BPNT2: variants seen among roughly 807,000 people sequenced by gnomAD.
BPNT2 encodes the protein 3'(2'), 5'-bisphosphate nucleotidase 2, also known as Golgi-resident adenosine 3',5'-bisphosphate 3'-phosphatase.
BPNT2 carries 11 observed loss-of-function variants against 29.3 expected under a neutral mutation model. The observed-to-expected ratio is 0.38, with a 90% CI of 0.24 to 0.62. BPNT2 has a LOEUF of 0.62. Among genes scored for constraint, BPNT2 ranks in the 20% least tolerant of loss-of-function variants. BPNT2 has a pLI of 0.62. For missense variants in BPNT2, 459 were observed against 473.4 expected (o/e 0.97, Z 0.28); for synonymous variants, 195 against 187.7 (o/e 1.04, Z -0.32).
intron 3 of BPNT2, among the ~76,000 whole-genome samples, chr8:56,967,846 T>C (rs1166744078): frequency 6.6e-6 from 1 of 152,042 alleles, no homozygotes; most frequent in Non-Finnish European, 1.5e-5. Context: ...CCAAAAACCA[T>C]ACTGACAATG....
chr8:56,969,686 C>T (rs1806001779), intron 3 of BPNT2, among the ~76,000 whole-genome samples: 1 of 151,812 alleles, frequency 6.6e-6, no homozygotes, highest in African/African-American at 2.4e-5. Flanking sequence ...GAGACAATGT[C>T]TAAAGAAAAG....
intron 3 of BPNT2, among the ~76,000 whole-genome samples, chr8:56,968,594 G>A (rs1805986121): frequency 6.6e-6 from 1 of 152,106 alleles, no homozygotes; most frequent in East Asian, 1.9e-4. Flanking sequence ...CACTTGTTGA[G>A]CCCAAGAGTT....
chr8:56,966,412 T>G, intron 3 of BPNT2, 60 bp from the exon 4 acceptor site: 1 of 1,436,684 alleles, frequency 7.0e-7, no homozygotes, highest in Non-Finnish European at 9.8e-7. Context: ...AAGGTTATAT[T>G]CTTCAGAACC....
intron 1 of BPNT2, among the ~76,000 whole-genome samples, chr8:56,989,041 C>T (rs1482582726): frequency 6.6e-6 from 1 of 152,184 alleles, no homozygotes; most frequent in African/African-American, 2.4e-5. Flanking sequence ...CTCCAAGCAA[C>T]TACTCTGAGT....
At chr8:56,989,454 G>A (rs147481820) in intron 1 of BPNT2, among the ~76,000 whole-genome samples, 1 of 151,892 alleles carries the variant, frequency 6.6e-6, no homozygotes, top group East Asian at 1.9e-4. Flanking sequence ...CTGAAAAACA[G>A]AGGCTGTAGT....
chr8:56,966,879 T>C lies in BPNT2; in HGVS notation c.647-527A>G, dbSNP rs79706742. ...TCTATATACTCATGGTTTCAATTAT[T>C]TGAATATTAGCTCAATCTCCTAAGT... On this transcript the variant is annotated intron_variant, in intron 3 of 4. Coordinates refer to ENST00000262644, the MANE Select transcript of BPNT2 (RefSeq NM_017813.5). Among the ~76,000 whole-genome samples, 487 of 152,334 alleles carry C rather than the reference T, an allele frequency of 3.2e-3. 3 individuals carry two copies. Among genetic ancestry groups the C allele is most frequent in the Non-Finnish European group, 3.6e-3 (244 of 68,030 alleles).
At position 56,993,358 on chromosome 8, in the gene BPNT2, G is replaced by T. The variant is rs962070212; in HGVS notation, c.228C>A (p.Arg76=). 2.5e-6 allele frequency: 4 copies of T among 1,610,164 alleles called. No individual in the cohort carries two copies. In the African/African-American group the frequency reaches 5.3e-5, roughly 21 times the overall value. The change falls in exon 1 of 5, where the codon CGC becomes CGA. Residue 76 remains arginine, a synonymous_variant. Transcript: ENST00000262644. ...GGACGCGCCTCACCTCGTCGCCGCC[G>T]CGGACTGCGGCCAGCACTGACACAG... ...MLAVSVLAAV[R]GGDEVRRVRE...
chr8:56,977,829 T>C (rs1806169280), intron 3 of BPNT2, among the ~76,000 whole-genome samples: 1 of 152,130 alleles, frequency 6.6e-6, no homozygotes, highest in Non-Finnish European at 1.5e-5. Flanking sequence ...ACAAAAAAGA[T>C]ACTCCCTTAC....
intron 1 of BPNT2, among the ~76,000 whole-genome samples, chr8:56,986,943 TAA>T (rs1317966027): frequency 6.6e-6 from 1 of 152,168 alleles, no homozygotes; most frequent in Non-Finnish European, 1.5e-5. Context: ...TTTGTCTATT[TAA>T]AGATTTTATT....
In BPNT2 at chr8:56,958,176, A is replaced by G. The variant is rs1214765342; in HGVS notation, c.*5617T>C. 1 of 152,188 alleles carries G rather than the reference A, an allele frequency of 6.6e-6. No homozygotes were observed. Among genetic ancestry groups the G allele is most frequent in the Non-Finnish European group, 1.5e-5 (1 of 68,050 alleles). The allele number at this position is 152,188 out of a possible 1,614,324, so 9.4% of individuals were successfully genotyped here. On this transcript the variant is annotated 3_prime_UTR_variant, in exon 5 of 5. Transcript: ENST00000262644. ...CCAGCTTATACAACCAAGGCACAAA[A>G]TATGCTAATGCTAATAATCCTTTAT...
At position 56,978,030 on chromosome 8, in the gene BPNT2, A is replaced by G. The variant is rs752249558; in HGVS notation, c.646+20T>C. The G allele has an allele frequency of 2.1e-5, 29 of 1,397,846 alleles. No individual in the cohort carries two copies. The East Asian group carries it at 6.6e-4, about 32-fold the overall frequency. 86.6% of individuals were successfully genotyped at this position (1,397,846 alleles called of 1,614,324 possible). ...CAGTTCAATAACAATAATTCTTGAA[A>G]GTTCTAGCAAATTTCATACCTGTAT... On this transcript the variant is annotated intron_variant, in intron 3 of 4. Transcript: ENST00000262644.
Position 56,993,462 on chromosome 8 carries a change from C to T in BPNT2, c.124G>A (p.Gly42Ser), listed in dbSNP as rs1223820299. The T allele has an allele frequency of 1.3e-6, 2 of 1,488,582 alleles. No individual in the cohort carries two copies. The highest frequency in any genetic ancestry group is 8.9e-7 in the Non-Finnish European group (1 of 1,120,420). 92.2% of individuals were successfully genotyped at this position (1,488,582 alleles called of 1,614,324 possible). ...LAGRFSLFGLGGEPGGGAAGP... is the reference protein window; with the variant it reads ...LAGRFSLFGLSGEPGGGAAGP... ...GCCGCGCCGCCGCCAGGCTCGCCGC[C>T]CAGGCCGAAGAGGCTGAAGCGGCCG... The change falls in exon 1 of 5, where the codon GGC becomes AGC. Residue 42 changes from glycine to serine, a missense_variant. By Grantham distance (56) the Gly-to-Ser change is moderately conservative. Coordinates refer to ENST00000262644, the MANE Select transcript of BPNT2 (RefSeq NM_017813.5).
chr8:56,968,404 CA>C (rs888594940), intron 3 of BPNT2, among the ~76,000 whole-genome samples: 1 of 136,978 alleles, frequency 7.3e-6, no homozygotes, highest in Non-Finnish European at 1.6e-5. Context: ...AAAAAAAAAA[CA>C]AAAAAGAGTC....
chr8:56,989,759 C>A (rs1446644328), intron 1 of BPNT2, among the ~76,000 whole-genome samples: 3 of 152,178 alleles, frequency 2.0e-5, no homozygotes, highest in African/African-American at 7.2e-5. Context: ...AAACCATGGA[C>A]TAGGTCCAAA....
intron 4 of BPNT2, among the ~76,000 whole-genome samples, chr8:56,965,481 T>C (rs1805929247): frequency 6.6e-6 from 1 of 152,214 alleles, no homozygotes; most frequent in African/African-American, 2.4e-5. Flanking sequence ...TAACAGGAGT[T>C]GACAAACAGC....
chr8:56,962,442 T>C lies in BPNT2; in HGVS notation c.*1351A>G, dbSNP rs1255381474. 6.6e-6 allele frequency: 1 copy of C among 152,200 alleles called. No individual in the cohort carries two copies. Among genetic ancestry groups the C allele is most frequent in the Non-Finnish European group, 1.5e-5 (1 of 68,036 alleles). The allele number at this position is 152,200 out of a possible 1,614,324, so 9.4% of individuals were successfully genotyped here. A position where few individuals can be genotyped will look rare whatever the true frequency, so the allele number is the denominator to read the frequency against. On this transcript the variant is annotated 3_prime_UTR_variant, in exon 5 of 5. Coordinates refer to ENST00000262644, the MANE Select transcript of BPNT2 (RefSeq NM_017813.5). ...GTGAGAAATCCCTCTCATCAGCATGTTATGGAATACAAGGGCACTGGAGTC... is the reference window on the plus strand; with the variant it reads ...GTGAGAAATCCCTCTCATCAGCATGCTATGGAATACAAGGGCACTGGAGTC...
At chr8:56,981,069 G>A (rs1477044196) in intron 1 of BPNT2, among the ~76,000 whole-genome samples, 3 of 151,978 alleles carry the variant, frequency 2.0e-5, no homozygotes, top group Non-Finnish European at 4.4e-5. Context: ...CCTGTGCATT[G>A]TAGGATGTTT....
Position 56,963,689 on chromosome 8 carries a change from G to A in BPNT2, c.*104C>T. 1 of 1,314,708 alleles carries A rather than the reference G, an allele frequency of 7.6e-7. No individual in the cohort carries two copies. Among genetic ancestry groups the A allele is most frequent in the Non-Finnish European group, 1.1e-6 (1 of 920,122 alleles). 81.4% of individuals were successfully genotyped at this position (1,314,708 alleles called of 1,614,324 possible). A position where few individuals can be genotyped will look rare whatever the true frequency, so the allele number is the denominator to read the frequency against. ...CTTCATAAATACTTTAAAAAGTTCGGGATGGCCTTAACCATGCATAGTCTC... is the reference window on the plus strand; with the variant it reads ...CTTCATAAATACTTTAAAAAGTTCGAGATGGCCTTAACCATGCATAGTCTC... On this transcript the variant is annotated 3_prime_UTR_variant, in exon 5 of 5. Coordinates refer to ENST00000262644, the MANE Select transcript of BPNT2 (RefSeq NM_017813.5).
intron 3 of BPNT2, among the ~76,000 whole-genome samples, chr8:56,973,378 G>A (rs1027074311): frequency 6.6e-6 from 1 of 152,142 alleles, no homozygotes; most frequent in African/African-American, 2.4e-5. Flanking sequence ...AACCCTGACA[G>A]AGAAAATCAT....
Sources: allele counts gnomAD v4.1 joint callset (sites outside exome capture counted in the v4.1 genomes callset), GRCh38; gene constraint gnomAD v4.1.1; transcripts MANE v1.5; gene names NCBI Gene and HGNC (gene_info 2026-07-23, HGNC 2026-07-21).